The following NFIB variants were observed in gnomAD, a reference collection of about 807,000 sequenced individuals.
The protein encoded by NFIB is nuclear factor I B.
In NFIB, 11 loss-of-function variants were observed where a neutral mutation model predicts 61.5. That is an observed-to-expected ratio of 0.18 (90% confidence interval 0.11 to 0.30). The LOEUF is 0.30. Among genes scored for constraint, NFIB ranks in the 10% least tolerant of loss-of-function variants. NFIB has a pLI of 1.00. For synonymous variants in NFIB, 260 were observed against 216.5 expected (o/e 1.20, Z -1.76); for missense variants, 471 against 608.9 (o/e 0.77, Z 2.38).
Position 14,083,751 on chromosome 9 carries a change from C to T in NFIB, c.*4558G>A, listed in dbSNP as rs1341334756. 4.4e-6 allele frequency: 1 copy of T among 225,730 alleles called. No individual in the cohort carries two copies. The highest frequency in any genetic ancestry group is 2.2e-5 in the African/African-American group (1 of 44,912). The allele number at this position is 225,730 out of a possible 1,614,324, so 14.0% of individuals were successfully genotyped here. On this transcript the variant is annotated 3_prime_UTR_variant, in exon 11 of 11. Transcript: ENST00000380953. ...AGGTAAAGAACATGTCCTGCTGTCA[C>T]ACCGCTGAAGATGTCCCTGTGCAAT...
chr9:14,165,375 A>C (rs2044670092), intron 3 of NFIB, among the ~76,000 whole-genome samples: 1 of 152,188 alleles, frequency 6.6e-6, no homozygotes, highest in Non-Finnish European at 1.5e-5. Context: ...CACACAAGTA[A>C]ATGTGACTTC....
chr9:14,360,591 C>CTGGA (rs561959855), intron 1 of NFIB, among the ~76,000 whole-genome samples: 19 of 150,222 alleles, frequency 1.3e-4, no homozygotes, highest in Non-Finnish European at 2.7e-4. Context: ...GTCGCCCAGG[C>CTGGA]TGGAGTGCAG....
chr9:14,244,597 C>T (rs572004921), intron 2 of NFIB, among the ~76,000 whole-genome samples: 84 of 152,308 alleles, frequency 5.5e-4, no homozygotes, highest in African/African-American at 1.9e-3. Context: ...AGTAACTTTG[C>T]AGCATATCAA....
At chr9:14,346,290 A>ACCCCCCCC (rs67699489) in intron 1 of NFIB, among the ~76,000 whole-genome samples, 3 of 88,376 alleles carry the variant, frequency 3.4e-5, no homozygotes, top group Non-Finnish European at 5.1e-5. Context: ...GGTAACCGAC[A>ACCCCCCCC]CCCCCCCCCC....
the NFIB span, among the ~76,000 whole-genome samples, chr9:14,501,285 CA>C: frequency 2.0e-5 from 3 of 152,174 alleles, no homozygotes; most frequent in Non-Finnish European, 4.4e-5. Flanking sequence ...CCCTGCCCTT[CA>C]AAGAAGCTGT....
intron 2 of NFIB, among the ~76,000 whole-genome samples, chr9:14,216,080 CA>C (rs1380792611): frequency 2.3e-4 from 35 of 152,172 alleles, no homozygotes; most frequent in Non-Finnish European, 7.4e-5. Flanking sequence ...TAAATTTAGT[CA>C]AAAATAATGT....
the NFIB span, among the ~76,000 whole-genome samples, chr9:14,416,641 A>T: frequency 6.6e-6 from 1 of 152,130 alleles, no homozygotes. Flanking sequence ...TTAACAAGTT[A>T]AAAAAATTAA....
At chr9:14,442,566 G>A in the NFIB span, among the ~76,000 whole-genome samples, 16 of 152,102 alleles carry the variant, frequency 1.1e-4, no homozygotes, top group African/African-American at 3.9e-4. Context: ...GGCTGGGAGG[G>A]AAAATCTGTC....
chr9:14,523,367 G>C, the NFIB span, among the ~76,000 whole-genome samples: 1 of 152,034 alleles, frequency 6.6e-6, no homozygotes, highest in Non-Finnish European at 1.5e-5. Flanking sequence ...CTTCACAAGT[G>C]ATTGGATACT....
At chr9:14,476,810 G>C in the NFIB span, among the ~76,000 whole-genome samples, 1 of 152,126 alleles carries the variant, frequency 6.6e-6, no homozygotes, top group Non-Finnish European at 1.5e-5. Context: ...GAAAGACCAG[G>C]ACCATTTCTC....
intron 10 of NFIB, among the ~76,000 whole-genome samples, chr9:14,106,317 A>G (rs2036547559): frequency 6.6e-6 from 1 of 152,142 alleles, no homozygotes; most frequent in South Asian, 2.1e-4. Flanking sequence ...TAATCCTTTA[A>G]TTTATATGCA....
chr9:14,166,954 A>G (rs2044871325), intron 3 of NFIB, among the ~76,000 whole-genome samples: 1 of 152,062 alleles, frequency 6.6e-6, no homozygotes, highest in African/African-American at 2.4e-5. Context: ...CTTCTGGGTA[A>G]ACATTTTCTC....
chr9:14,417,724 T>C, the NFIB span, among the ~76,000 whole-genome samples: 5 of 151,896 alleles, frequency 3.3e-5, no homozygotes, highest in Non-Finnish European at 7.4e-5. Context: ...TTGTTAGGTA[T>C]AGTTCTAGGT....
intron 1 of NFIB, among the ~76,000 whole-genome samples, chr9:14,311,063 T>A (rs755227229): frequency 3.3e-5 from 5 of 152,160 alleles, no homozygotes; most frequent in Non-Finnish European, 7.4e-5. Context: ...TTTTTAAACA[T>A]ATATTAAATC....
At chr9:14,291,908 A>G (rs2059128063) in intron 2 of NFIB, among the ~76,000 whole-genome samples, 1 of 152,252 alleles carries the variant, frequency 6.6e-6, no homozygotes, top group African/African-American at 2.4e-5. Context: ...TTCAACCAGC[A>G]TCAAATTTTG....
chr9:14,174,674 G>A (rs1228723758), intron 3 of NFIB, among the ~76,000 whole-genome samples: 1 of 151,378 alleles, frequency 6.6e-6, no homozygotes, highest in Non-Finnish European at 1.5e-5. Flanking sequence ...GGCTGAGGCA[G>A]GAGAATTGCT....
At chr9:14,523,684 T>C in the NFIB span, among the ~76,000 whole-genome samples, 1 of 152,130 alleles carries the variant, frequency 6.6e-6, no homozygotes, top group Non-Finnish European at 1.5e-5. Flanking sequence ...CCCAAATACA[T>C]TAACCTTTTC....
chr9:14,357,761 G>A (rs757675138), intron 1 of NFIB: 5 of 152,144 alleles, frequency 3.3e-5, no homozygotes, highest in Non-Finnish European at 5.9e-5. Context: ...ACCAATGAAT[G>A]GATAAACTTA....
intron 2 of NFIB, among the ~76,000 whole-genome samples, chr9:14,268,152 A>G (rs2057352044): frequency 1.3e-5 from 2 of 152,014 alleles, no homozygotes; most frequent in African/African-American, 2.4e-5. Flanking sequence ...TACTGTACCC[A>G]AAAAATATGG....
Sources: gnomAD v4.1 joint callset for allele counts (sites outside exome capture counted in the v4.1 genomes callset) on GRCh38, gnomAD v4.1.1 for gene constraint, MANE v1.5 for transcripts, NCBI Gene and HGNC (gene_info 2026-07-23, HGNC 2026-07-21) for gene names.